The following CALCR variants were observed in gnomAD, a reference collection of about 807,000 sequenced individuals.
CALCR encodes the protein calcitonin receptor.
In CALCR, 47 loss-of-function variants were observed where a neutral mutation model predicts 59.5. The ratio of observed to expected loss-of-function variants is 0.79; its 90% CI spans 0.63 to 1.01. CALCR has a LOEUF of 1.01. Ranked by LOEUF, CALCR falls within the 50% of genes least tolerant of loss-of-function variation. The probability of loss-of-function intolerance (pLI) is 0.00; values close to 1 mark genes in which losing one functional copy is unlikely to be tolerated. For missense variants in CALCR, 566 were observed against 597.1 expected, an observed-to-expected ratio of 0.95 and a Z score of 0.54; for synonymous variants, 213 against 211.3, an observed-to-expected ratio of 1.01 and a Z score of -0.07.
At chr7:93,464,781 A>G (rs1214358973) in intron 7 of CALCR, among the ~76,000 whole-genome samples, 2 of 151,902 alleles carry the variant, frequency 1.3e-5, no homozygotes, top group East Asian at 1.9e-4. Context: ...CTTTGATACC[A>G]TTGATTTCAT....
chr7:93,522,354 T>G (rs1424588284), intron 2 of CALCR, among the ~76,000 whole-genome samples: 1 of 152,192 alleles, frequency 6.6e-6, no homozygotes, highest in Non-Finnish European at 1.5e-5. Flanking sequence ...TGTGATTGTT[T>G]GCTTTAGATG....
rs948184779 is a variant in CALCR, at chr7:93,555,459, A to G, written c.-27+18830T>C. Among the ~76,000 whole-genome samples, 4 of 152,176 alleles carry G rather than the reference A, an allele frequency of 2.6e-5. No individual in the cohort carries two copies. The East Asian group carries it at 7.7e-4, about 29-fold the overall frequency. On this transcript the variant is annotated intron_variant, in intron 2 of 13. Transcript: ENST00000426151. ...CATCTGGAATAGACAGGAAAGGACT[A>G]GGGTTAGCAGTCCAAATAAATTTGA... is the stretch of plus-strand genomic sequence containing the variant.
chr7:93,483,528 A>ATG (rs58382762), intron 3 of CALCR, among the ~76,000 whole-genome samples: 1 of 150,174 alleles, frequency 6.7e-6, no homozygotes, highest in African/African-American at 2.4e-5. Flanking sequence ...ATATATATAT[A>ATG]ATTACAATCA....
At position 93,479,618 on chromosome 7, in the gene CALCR, C is replaced by A. The variant is rs75730257; in HGVS notation, c.52-111G>T. 34 of 940,866 alleles carry A rather than the reference C, an allele frequency of 3.6e-5. No homozygotes were observed. In the East Asian group the frequency reaches 7.6e-4, roughly 21 times the overall value. 58.3% of individuals were successfully genotyped at this position (940,866 alleles called of 1,614,324 possible). On this transcript the variant is annotated intron_variant, in intron 3 of 13. Transcript: ENST00000426151. ...ATTTATTTTTGCTCTCTAAGCAATACTTATTCATGGTCTCTATGTACAGTT... is the reference window on the plus strand; with the variant it reads ...ATTTATTTTTGCTCTCTAAGCAATAATTATTCATGGTCTCTATGTACAGTT...
intron 2 of CALCR, among the ~76,000 whole-genome samples, chr7:93,545,774 A>G (rs1021995269): frequency 2.0e-5 from 3 of 152,124 alleles, no homozygotes; most frequent in Admixed American, 6.6e-5. Context: ...GATCGACCTC[A>G]TATCACCCCT....
intron 2 of CALCR, among the ~76,000 whole-genome samples, chr7:93,567,672 G>C (rs995570359): frequency 6.6e-6 from 1 of 151,988 alleles, no homozygotes; most frequent in African/African-American, 2.4e-5. Flanking sequence ...TTTACATTAG[G>C]TATTTCTTCT....
chr7:93,550,852 C>T (rs1469969054), intron 2 of CALCR, among the ~76,000 whole-genome samples: 2 of 152,164 alleles, frequency 1.3e-5, no homozygotes, highest in Admixed American at 6.6e-5. Flanking sequence ...GTGATACCAG[C>T]TCCTAGCAAT....
chr7:93,457,806 G>A (rs1358276811), intron 8 of CALCR, among the ~76,000 whole-genome samples: 5 of 152,054 alleles, frequency 3.3e-5, no homozygotes, highest in Non-Finnish European at 5.9e-5. Context: ...CGATCACTTC[G>A]GAATGGCTGA....
At chr7:93,438,671 G>A (rs1799836139) in intron 9 of CALCR, among the ~76,000 whole-genome samples, 1 of 152,140 alleles carries the variant, frequency 6.6e-6, no homozygotes, top group Admixed American at 6.6e-5. Context: ...GACCTGGGAC[G>A]GTGTATGAAA....
At chr7:93,516,757 T>C (rs962334544) in intron 2 of CALCR, among the ~76,000 whole-genome samples, 2 of 151,850 alleles carry the variant, frequency 1.3e-5, no homozygotes, top group Non-Finnish European at 2.9e-5. Flanking sequence ...TCCAAAATGA[T>C]CGATATATTT....
chr7:93,467,315 G>A (rs1800460295), intron 7 of CALCR, among the ~76,000 whole-genome samples: 1 of 151,498 alleles, frequency 6.6e-6, no homozygotes, highest in South Asian at 2.1e-4. Context: ...TTTATGGAAG[G>A]AGCTCATTGT....
chr7:93,542,646 G>A (rs1443515308), intron 2 of CALCR, among the ~76,000 whole-genome samples: 1 of 151,468 alleles, frequency 6.6e-6, no homozygotes, highest in Non-Finnish European at 1.5e-5. Flanking sequence ...GAACTTTTTG[G>A]CTCTTTTTTA....
intron 7 of CALCR, 66 bp downstream of exon 7, chr7:93,468,649 G>T: frequency 8.7e-7 from 1 of 1,145,502 alleles, no homozygotes; most frequent in Non-Finnish European, 1.3e-6. Context: ...CACTCTTGCA[G>T]AATTCACCAT....
intron 2 of CALCR, among the ~76,000 whole-genome samples, chr7:93,538,694 C>T (rs564010340): frequency 6.6e-6 from 1 of 152,140 alleles, no homozygotes; most frequent in South Asian, 2.1e-4. Flanking sequence ...TGACCTTTCT[C>T]TAGACAGATA....
chr7:93,554,484 C>T (rs1264755413), intron 2 of CALCR, among the ~76,000 whole-genome samples: 1 of 151,970 alleles, frequency 6.6e-6, no homozygotes, highest in Non-Finnish European at 1.5e-5. Flanking sequence ...AAAGTTAACC[C>T]TGTCATAATT....
chr7:93,519,157 C>T (rs1186146176), intron 2 of CALCR, among the ~76,000 whole-genome samples: 2 of 151,914 alleles, frequency 1.3e-5, no homozygotes, highest in Non-Finnish European at 2.9e-5. Context: ...AGTCTTCACT[C>T]GTACATACTA....
At chr7:93,495,782 C>A (rs1210875694) in intron 2 of CALCR, 2 of 852,370 alleles carry the variant, frequency 2.3e-6, no homozygotes, top group Non-Finnish European at 3.7e-6. Flanking sequence ...CAATGTGGAG[C>A]CTAAAAATCT....
At chr7:93,562,709 A>G (rs1789776297) in intron 2 of CALCR, among the ~76,000 whole-genome samples, 1 of 152,182 alleles carries the variant, frequency 6.6e-6, no homozygotes, top group Non-Finnish European at 1.5e-5. Flanking sequence ...CTGGACAGTG[A>G]TGGAGTAAAA....
At chr7:93,479,654 A>G (rs1239216661) in intron 3 of CALCR, 147 bp from the exon 4 acceptor site, 1 of 674,962 alleles carries the variant, frequency 1.5e-6, no homozygotes. Flanking sequence ...TTTTTCATAT[A>G]TATTACAAAA....
Sources: allele counts gnomAD v4.1 joint callset (sites outside exome capture counted in the v4.1 genomes callset), GRCh38; gene constraint gnomAD v4.1.1; transcripts MANE v1.5; gene names NCBI Gene and HGNC (gene_info 2026-07-23, HGNC 2026-07-21).